The following ABHD6 variants were observed in gnomAD, a reference collection of about 807,000 sequenced individuals.
ABHD6 encodes the protein abhydrolase domain containing 6, acylglycerol lipase.
ABHD6 carries 33 observed loss-of-function variants against 38.8 expected under a neutral mutation model. That is an observed-to-expected ratio of 0.85 (90% CI 0.64 to 1.14). The LOEUF (loss-of-function observed/expected upper bound fraction) is 1.14, where lower values mean the gene tolerates loss of function less well. ABHD6 is among the 50% of genes most tolerant of loss of function. The pLI is 0.00. For missense variants in ABHD6, 380 were observed against 422.6 expected (o/e 0.90, Z 0.88); for synonymous variants, 147 against 161.6 (o/e 0.91, Z 0.69).
At chr3:58,253,719 G>T (rs1302087228) in intron 2 of ABHD6, among the ~76,000 whole-genome samples, 1 of 152,196 alleles carries the variant, frequency 6.6e-6, no homozygotes, top group Non-Finnish European at 1.5e-5. Context: ...TACCCTCAAG[G>T]AGCTCTGGTT....
rs775558009 is a variant in ABHD6, at chr3:58,294,600, C to A, written c.*835C>A. ...TCTATTTCAATGTGCTACTAAGAAC[C>A]CTTGGATGTAACATACTAGTTAGTT... On this transcript the variant is annotated 3_prime_UTR_variant, in exon 10 of 10. Transcript: ENST00000478253. 2 of 152,496 alleles carry A rather than the reference C, an allele frequency of 1.3e-5. No homozygotes were observed. The highest frequency in any genetic ancestry group is 2.9e-5 in the Non-Finnish European group (2 of 68,026). The allele number at this position is 152,496 out of a possible 1,614,324, so 9.4% of individuals were successfully genotyped here. A position where few individuals can be genotyped will look rare whatever the true frequency, so the allele number is the denominator to read the frequency against.
In ABHD6 at chr3:58,266,910, G is replaced by A. The variant is rs571518171; in HGVS notation, c.120-279G>A. On this transcript the variant is annotated intron_variant, in intron 3 of 9. Transcript: ENST00000478253. The surrounding 1 kb of genome is among the most constrained non-coding windows in gnomAD (Gnocchi z 4.0). ...ACATATTATCAAAAGGTTATCATGT[G>A]TGGCATACTTCTTAAGAAAACACCG... 6.6e-6 allele frequency among the ~76,000 whole-genome samples: 1 copy of A among 152,158 alleles called. No individual in the cohort carries two copies. The highest frequency in any genetic ancestry group is 1.5e-5 in the Non-Finnish European group (1 of 68,032).
chr3:58,262,450 G>A (rs1164642008), intron 3 of ABHD6, among the ~76,000 whole-genome samples: 1 of 152,190 alleles, frequency 6.6e-6, no homozygotes, highest in African/African-American at 2.4e-5. Context: ...ACCCCGAGGA[G>A]GTCCTCTTTG....
intron 1 of ABHD6, among the ~76,000 whole-genome samples, chr3:58,240,159 AAAAT>A (rs777225681): frequency 2.0e-5 from 3 of 152,212 alleles, no homozygotes; most frequent in African/African-American, 7.2e-5. Flanking sequence ...CTCAAAAAAT[AAAAT>A]AAATAAATAA....
intron 9 of ABHD6, among the ~76,000 whole-genome samples, chr3:58,290,162 G>GT (rs2097460970): frequency 1.0e-5 from 1 of 97,876 alleles, no homozygotes. Flanking sequence ...CTGGCCGGGC[G>GT]GGGGGCTGAC....
intron 2 of ABHD6, among the ~76,000 whole-genome samples, chr3:58,253,834 G>A (rs2097431525): frequency 6.6e-6 from 1 of 152,188 alleles, no homozygotes; most frequent in Non-Finnish European, 1.5e-5. Context: ...CAGTGCTTAT[G>A]CCCTGGGAAG....
At position 58,273,228 on chromosome 3, in the gene ABHD6, T is replaced by G. The variant is rs1278127589; in HGVS notation, c.524-1430T>G. 6.6e-6 allele frequency among the ~76,000 whole-genome samples: 1 copy of G among 152,106 alleles called. No homozygotes were observed. Among genetic ancestry groups the G allele is most frequent in the African/African-American group, 2.4e-5 (1 of 41,418 alleles). ...GTGGGTTTCTGCATCACGACCAATA[T>G]TATTGATGCTACTGCCTTTCATTAT... On this transcript the variant is annotated intron_variant, in intron 6 of 9. Coordinates refer to ENST00000478253, the MANE Select transcript of ABHD6 (RefSeq NM_001320126.2). The surrounding 1 kb of genome is among the most constrained non-coding windows in gnomAD (Gnocchi z 4.8).
chr3:58,273,237 C>G lies in ABHD6; in HGVS notation c.524-1421C>G, dbSNP rs1236403079. Among the ~76,000 whole-genome samples the G allele has an allele frequency of 6.6e-6, 1 of 152,060 alleles. No homozygotes were observed. Among genetic ancestry groups the G allele is most frequent in the Non-Finnish European group, 1.5e-5 (1 of 68,010 alleles). On this transcript the variant is annotated intron_variant, in intron 6 of 9. Coordinates refer to ENST00000478253, the MANE Select transcript of ABHD6 (RefSeq NM_001320126.2). The surrounding 1 kb of genome is among the most constrained non-coding windows in gnomAD (Gnocchi z 4.8). ...TGCATCACGACCAATATTATTGATG[C>G]TACTGCCTTTCATTATAAAATCTAG...
intron 7 of ABHD6, among the ~76,000 whole-genome samples, chr3:58,275,701 TCATA>T (rs1333069864): frequency 1.3e-5 from 2 of 152,308 alleles, no homozygotes; most frequent in Non-Finnish European, 2.9e-5. Context: ...ATTGCAGGTT[TCATA>T]CATAAGTATG....
chr3:58,272,807 C>G (rs955686700), intron 6 of ABHD6, among the ~76,000 whole-genome samples: 4 of 151,966 alleles, frequency 2.6e-5, no homozygotes, highest in African/African-American at 7.3e-5. Flanking sequence ...TATATCCTAC[C>G]AAGAGTTTTA....
At chr3:58,254,040 C>T (rs2097431637) in intron 2 of ABHD6, among the ~76,000 whole-genome samples, 2 of 152,050 alleles carry the variant, frequency 1.3e-5, no homozygotes, top group South Asian at 4.1e-4. Flanking sequence ...ATGTAGATAC[C>T]TAACAGCAAA....
chr3:58,271,989 C>T (rs556390382), intron 6 of ABHD6, among the ~76,000 whole-genome samples: 19 of 152,044 alleles, frequency 1.2e-4, no homozygotes, highest in South Asian at 4.2e-4. Context: ...AAACTTGAAT[C>T]CTGTTGGCTA....
chr3:58,253,526 T>G (rs997550455), intron 2 of ABHD6, among the ~76,000 whole-genome samples: 2 of 152,240 alleles, frequency 1.3e-5, no homozygotes, highest in Non-Finnish European at 2.9e-5. Context: ...CTTCAGGGAT[T>G]TTTGTAATTA....
chr3:58,285,230 T>A lies in ABHD6; in HGVS notation c.736+91T>A, dbSNP rs916688052. ...TTTCTTAAATCTCTGACACTTTGAA[T>A]GTCTCTTTGGGCCCCTGAAGAGAGG... On this transcript the variant is annotated intron_variant, in intron 8 of 9. Transcript: ENST00000478253. This position sits in a 1 kb window ranked among gnomAD's most constrained non-coding sequence, Gnocchi z 4.9. 23 of 1,540,866 alleles carry A rather than the reference T, an allele frequency of 1.5e-5. No individual in the cohort carries two copies. Among genetic ancestry groups the A allele is most frequent in the Middle Eastern group, 1.7e-4 (1 of 5,906 alleles).
At chr3:58,278,548 C>A (rs1301045274) in intron 7 of ABHD6, among the ~76,000 whole-genome samples, 1 of 152,156 alleles carries the variant, frequency 6.6e-6, no homozygotes, top group South Asian at 2.1e-4. Flanking sequence ...TTTCAAAAAA[C>A]CAGCTCCTGG....
At chr3:58,271,652 G>C (rs1039778102) in intron 6 of ABHD6, among the ~76,000 whole-genome samples, 4 of 150,980 alleles carry the variant, frequency 2.6e-5, no homozygotes, top group Non-Finnish European at 5.9e-5. Context: ...CGATATTACC[G>C]TTTGAAGTTG....
intron 3 of ABHD6, chr3:58,258,259 A>C (rs1350895278): frequency 9.0e-6 from 3 of 335,140 alleles, no homozygotes; most frequent in African/African-American, 6.6e-5. Context: ...GTGAGCTGAG[A>C]TCGCGCCATT....
rs925897484 is a variant in ABHD6 at position 58,291,347 on chromosome 3, C to G, written c.838-2242C>G. Among the ~76,000 whole-genome samples the G allele has an allele frequency of 4.0e-5, 6 of 151,888 alleles. No individual in the cohort carries two copies. In the East Asian group the frequency reaches 1.2e-3, roughly 29 times the overall value. On this transcript the variant is annotated intron_variant, in intron 9 of 9. Transcript: ENST00000478253. ...GCAGCAGTACAGTCCAGCTTCGGCT[C>G]GGCATCAGAGGGAGACCCTGGAAAG... is the stretch of plus-strand genomic sequence containing the variant.
At chr3:58,272,284 C>A (rs866020616) in intron 6 of ABHD6, among the ~76,000 whole-genome samples, 1 of 152,320 alleles carries the variant, frequency 6.6e-6, no homozygotes, top group East Asian at 1.9e-4. Flanking sequence ...GCCAAAACCA[C>A]AGTAGGAACA....
Sources: gnomAD v4.1 joint callset for allele counts (sites outside exome capture counted in the v4.1 genomes callset) on GRCh38, gnomAD v4.1.1 for gene constraint, Gnocchi (gnomAD v3.1) non-coding constraint, MANE v1.5 for transcripts, NCBI Gene and HGNC (gene_info 2026-07-23, HGNC 2026-07-21) for gene names.